The following B3GALT1 variants were observed in gnomAD, a reference collection of about 807,000 sequenced individuals.
B3GALT1 encodes UDP-Gal:betaGlcNAc beta 1,3-galactosyltransferase, polypeptide 1.
Under a neutral mutation model 23.2 loss-of-function variants are expected in B3GALT1, and 10 were observed. The ratio of observed to expected loss-of-function variants is 0.43; its 90% confidence interval spans 0.27 to 0.73. The LOEUF is 0.73. Among genes scored for constraint, B3GALT1 ranks in the 30% least tolerant of loss-of-function variants. The pLI, the probability that B3GALT1 is intolerant of heterozygous loss-of-function variation, is 0.21. For synonymous variants in B3GALT1, 156 were observed against 141.5 expected, an observed-to-expected ratio of 1.10 and a Z score of -0.73; for missense variants, 299 against 405.4, an observed-to-expected ratio of 0.74 and a Z score of 2.25.
chr2:167,870,524 C>A lies in B3GALT1; in HGVS notation c.*504C>A, dbSNP rs906751526. ...TGTAATGTGTACAGTCTTTGCAGTT[C>A]CACCAAGAAATGAACTTGGTACCTG... On this transcript the variant is annotated 3_prime_UTR_variant, in exon 5 of 5. Transcript: ENST00000392690. 1.2e-5 allele frequency: 2 copies of A among 167,010 alleles called. No individual in the cohort carries two copies. The highest frequency in any genetic ancestry group is 4.8e-5 in the African/African-American group (2 of 41,344). The allele number at this position is 167,010 out of a possible 1,614,324, so 10.3% of individuals were successfully genotyped here.
Position 167,517,615 on chromosome 2 carries a change from A to G in B3GALT1, c.-410+27338A>G, listed in dbSNP as rs553464915. 9.2e-5 allele frequency among the ~76,000 whole-genome samples: 14 copies of G among 152,162 alleles called. No homozygotes were observed. The South Asian group carries it at 2.3e-3, about 25-fold the overall frequency. ...AAGAGCAGTGGTCCAGAAACAACCC[A>G]TGAATTGCATTATCTAATTTAATTA... On this transcript the variant is annotated intron_variant, in intron 2 of 4. Coordinates refer to ENST00000392690, the MANE Select transcript of B3GALT1 (RefSeq NM_020981.4).
At chr2:167,796,101 T>C (rs921538123) in intron 3 of B3GALT1, among the ~76,000 whole-genome samples, 2 of 152,228 alleles carry the variant, frequency 1.3e-5, no homozygotes, top group Admixed American at 6.5e-5. Context: ...ATTCCAGAAC[T>C]TAATGTCAAA....
Position 167,406,223 on chromosome 2 carries a change from A to AG in B3GALT1, c.-510-83950dup, listed in dbSNP as rs1698273131. ...AATAAAGCTTTTAAAAAGAAATTAT[A>AG]GGGGAAACTTTTCATGACATGGGGT... is the stretch of plus-strand genomic sequence containing the variant. On this transcript the variant is annotated intron_variant, in intron 1 of 4. Transcript: ENST00000392690. 3.9e-5 allele frequency among the ~76,000 whole-genome samples: 6 copies of AG among 152,128 alleles called. No individual in the cohort carries two copies. The South Asian group carries it at 1.2e-3, about 31-fold the overall frequency.
At chr2:167,293,428 C>G (rs1343868412) in intron 1 of B3GALT1, 94 bp downstream of exon 1, 1 of 152,484 alleles carries the variant, frequency 6.6e-6, no homozygotes, top group East Asian at 1.9e-4. Context: ...GGCATCCCGA[C>G]GAAGGTGTTG....
intron 3 of B3GALT1, among the ~76,000 whole-genome samples, chr2:167,692,144 G>A (rs914866432): frequency 1.6e-4 from 25 of 152,244 alleles, no homozygotes; most frequent in Non-Finnish European, 3.1e-4. Context: ...CCTTCCAACT[G>A]CCAGGTACCA....
chr2:167,584,126 A>G (rs926943428), intron 2 of B3GALT1, among the ~76,000 whole-genome samples: 1 of 152,176 alleles, frequency 6.6e-6, no homozygotes, highest in East Asian at 1.9e-4. Flanking sequence ...CCCACTTTTC[A>G]TCACAAGATA....
intron 2 of B3GALT1, among the ~76,000 whole-genome samples, chr2:167,608,817 A>G (rs753168501): frequency 6.6e-6 from 1 of 152,164 alleles, no homozygotes; most frequent in Non-Finnish European, 1.5e-5. Context: ...TTTTAAATAC[A>G]GAAACATAAA....
intron 3 of B3GALT1, among the ~76,000 whole-genome samples, chr2:167,774,382 T>G (rs1688121623): frequency 6.6e-6 from 1 of 152,100 alleles, no homozygotes; most frequent in Non-Finnish European, 1.5e-5. Context: ...TCTTTGGCAT[T>G]GTCATTCCAA....
chr2:167,501,799 C>T (rs1317510289), intron 2 of B3GALT1, among the ~76,000 whole-genome samples: 1 of 146,412 alleles, frequency 6.8e-6, no homozygotes, highest in African/African-American at 2.5e-5. Context: ...ATACCTTGAA[C>T]TTTATCTTGA....
intron 3 of B3GALT1, among the ~76,000 whole-genome samples, chr2:167,677,539 C>T (rs1015201343): frequency 3.3e-5 from 5 of 152,194 alleles, no homozygotes; most frequent in Non-Finnish European, 2.9e-5. Context: ...AGATTTTTAG[C>T]ATGGCCCTAT....
At chr2:167,839,409 G>C (rs1179639193) in intron 4 of B3GALT1, among the ~76,000 whole-genome samples, 2 of 152,248 alleles carry the variant, frequency 1.3e-5, no homozygotes, top group African/African-American at 4.8e-5. Context: ...GCCAAATCAT[G>C]AGTGAACTTC....
At chr2:167,827,350 T>C (rs1039424083) in intron 4 of B3GALT1, among the ~76,000 whole-genome samples, 3 of 152,174 alleles carry the variant, frequency 2.0e-5, no homozygotes, top group African/African-American at 7.2e-5. Context: ...CAAAATGCAG[T>C]TGGCTCAACT....
intron 2 of B3GALT1, among the ~76,000 whole-genome samples, chr2:167,627,488 C>T (rs1685368084): frequency 6.6e-6 from 1 of 151,666 alleles, no homozygotes; most frequent in African/African-American, 2.4e-5. Flanking sequence ...ATCCACGTTG[C>T]TGCATGTATC....
intron 3 of B3GALT1, among the ~76,000 whole-genome samples, chr2:167,786,713 C>T (rs1688349843): frequency 6.6e-6 from 1 of 152,136 alleles, no homozygotes; most frequent in Admixed American, 6.6e-5. Context: ...ATAGAAGTAT[C>T]TACTAGTATT....
chr2:167,791,727 C>A (rs770499427), intron 3 of B3GALT1, among the ~76,000 whole-genome samples: 1 of 152,050 alleles, frequency 6.6e-6, no homozygotes, highest in African/African-American at 2.4e-5. Context: ...TGCTATATTC[C>A]TATGAGCATT....
rs565636341 is a variant in B3GALT1 at position 167,727,610 on chromosome 2, C to G, written c.-352+80644C>G. Among the ~76,000 whole-genome samples the G allele has an allele frequency of 1.3e-4, 20 of 152,240 alleles. 1 individual carries two copies. Among genetic ancestry groups the G allele is most frequent in the African/African-American group, 4.6e-4 (19 of 41,534 alleles). ...TCCAAATCTCATCTAAATATCAGCA[C>G]CTAAGAAGTCCAAGATGATTTAGAA... On this transcript the variant is annotated intron_variant, in intron 3 of 4. Coordinates refer to ENST00000392690, the MANE Select transcript of B3GALT1 (RefSeq NM_020981.4).
At chr2:167,614,261 TAATC>T (rs1685118210) in intron 2 of B3GALT1, among the ~76,000 whole-genome samples, 1 of 149,888 alleles carries the variant, frequency 6.7e-6, no homozygotes, top group Admixed American at 6.7e-5. Flanking sequence ...ATGTCATTCA[TAATC>T]AATAGCAAAG....
chr2:167,516,242 A>AT (rs909279292), intron 2 of B3GALT1, among the ~76,000 whole-genome samples: 3 of 151,856 alleles, frequency 2.0e-5, no homozygotes, highest in East Asian at 1.9e-4. Context: ...GGCCCTTGTG[A>AT]TTTTTTGTTA....
intron 4 of B3GALT1, among the ~76,000 whole-genome samples, chr2:167,842,078 A>T (rs559751052): frequency 6.6e-6 from 1 of 152,344 alleles, no homozygotes; most frequent in Non-Finnish European, 1.5e-5. Context: ...CTATATAAAG[A>T]CACATATTAT....
Sources: gnomAD v4.1 joint callset for allele counts (sites outside exome capture counted in the v4.1 genomes callset) on GRCh38, gnomAD v4.1.1 for gene constraint, MANE v1.5 for transcripts, NCBI Gene and HGNC (gene_info 2026-07-23, HGNC 2026-07-21) for gene names.